TLE3: variants seen among roughly 807,000 people sequenced by gnomAD.
The protein encoded by TLE3 is transducin-like enhancer protein 3.
TLE3 carries 14 observed loss-of-function variants against 93.0 expected under a neutral mutation model. The ratio of observed to expected loss-of-function variants is 0.15; its 90% CI spans 0.10 to 0.24. The LOEUF is 0.24. TLE3 is among the 10% of genes least tolerant of loss of function. TLE3 has a pLI of 1.00. For missense variants in TLE3, 693 were observed against 1,046.6 expected, an observed-to-expected ratio of 0.66 and a Z score of 4.66; for synonymous variants, 451 against 425.0, an observed-to-expected ratio of 1.06 and a Z score of -0.75.
In TLE3 at chr15:70,072,008, G is replaced by T. The variant is rs555375777; in HGVS notation, c.372+2525C>A. ...AAGCACGGCTCCCCAGTGCGAGCACGACTCGGCTGTCCGTAATTCCTGCCT... is the reference window on the plus strand; with the variant it reads ...AAGCACGGCTCCCCAGTGCGAGCACTACTCGGCTGTCCGTAATTCCTGCCT... On this transcript the variant is annotated intron_variant, in intron 6 of 19. Transcript: ENST00000451782. Among the ~76,000 whole-genome samples, 10 of 152,328 alleles carry T rather than the reference G, an allele frequency of 6.6e-5. No homozygotes were observed. In the East Asian group the frequency reaches 1.9e-3, roughly 29 times the overall value.
intron 4 of TLE3, among the ~76,000 whole-genome samples, chr15:70,093,088 C>A (rs1466464519): frequency 6.6e-6 from 1 of 152,192 alleles, no homozygotes; most frequent in African/African-American, 2.4e-5. Flanking sequence ...AGTTGCAGAA[C>A]CTGTCTCTAT....
At chr15:70,055,448 T>G (rs1793446278) in intron 14 of TLE3, 150 bp from the exon 15 acceptor site, 1 of 1,056,036 alleles carries the variant, frequency 9.5e-7, no homozygotes, top group Non-Finnish European at 1.3e-6. Context: ...AGTAACCCCA[T>G]GTACTGGGAT....
At chr15:70,083,305 C>G (rs1442797836) in intron 4 of TLE3, among the ~76,000 whole-genome samples, 1 of 152,118 alleles carries the variant, frequency 6.6e-6, no homozygotes, top group Non-Finnish European at 1.5e-5. Context: ...TTCCATCTAC[C>G]GGGCTTCCTG....
At chr15:70,066,282 A>T in intron 6 of TLE3, 64 bp from the exon 7 acceptor site, 1 of 1,340,330 alleles carries the variant, frequency 7.5e-7, no homozygotes, top group Non-Finnish European at 9.9e-7. Context: ...TGGCCACCTC[A>T]GGAGGGAGGG....
chr15:70,053,612 G>T, intron 16 of TLE3: 1 of 400,336 alleles, frequency 2.5e-6, no homozygotes, highest in Non-Finnish European at 4.4e-6. Context: ...AATGGGGGGG[G>T]GAGGTGAAAA....
chr15:70,097,598 A>C lies in TLE3; in HGVS notation c.-800T>G, dbSNP rs1164012684. ...AAGGGTTCTCGCTGCTCCCAGCTTG[A>C]GCACCGCGTCCCCACCGAGGAGCGC... On this transcript the variant is annotated 5_prime_UTR_variant, in exon 1 of 20. Transcript: ENST00000451782. 4.5e-5 allele frequency: 18 copies of C among 398,466 alleles called. No homozygotes were observed. In the East Asian group the frequency reaches 6.1e-4, roughly 13 times the overall value. The allele number at this position is 398,466 out of a possible 1,614,324, so 24.7% of individuals were successfully genotyped here.
At chr15:70,073,304 C>T (rs542365156) in intron 6 of TLE3, among the ~76,000 whole-genome samples, 2 of 152,298 alleles carry the variant, frequency 1.3e-5, no homozygotes, top group African/African-American at 4.8e-5. Flanking sequence ...CCAAAGGTCA[C>T]ATCGGGGGAG....
chr15:70,084,929 C>T (rs894148696), intron 4 of TLE3, among the ~76,000 whole-genome samples: 3 of 152,224 alleles, frequency 2.0e-5, no homozygotes, highest in Admixed American at 6.5e-5. Context: ...TATATGCATC[C>T]TTCATGGCAC....
At chr15:70,079,549 G>C (rs1304242328) in intron 4 of TLE3, 1 of 395,582 alleles carries the variant, frequency 2.5e-6, no homozygotes, top group African/African-American at 2.3e-5. Flanking sequence ...TCCCCACAAA[G>C]TGGAAGCAGG....
rs188951221 is a variant in TLE3 at position 70,049,224 on chromosome 15, G to A, written c.*873C>T. On this transcript the variant is annotated 3_prime_UTR_variant, in exon 20 of 20. Transcript: ENST00000451782. The stretch of plus-strand genomic sequence containing the variant: ...TGAGGAGGAGAGAGGGAGAGACCAA[G>A]AAAGAGAGACACAGAGAGGGCAAGA... 20 of 152,520 alleles carry A rather than the reference G, an allele frequency of 1.3e-4. No homozygotes were observed. The highest frequency in any genetic ancestry group is 4.4e-5 in the Non-Finnish European group (3 of 68,152). 9.4% of individuals were successfully genotyped at this position (152,520 alleles called of 1,614,324 possible).
chr15:70,056,160 G>T, intron 14 of TLE3, 138 bp downstream of exon 14: 4 of 959,828 alleles, frequency 4.2e-6, no homozygotes, highest in East Asian at 2.5e-5. Flanking sequence ...TGCCTCTAGA[G>T]GGACAGATAC....
chr15:70,089,646 G>A (rs2058210419), intron 4 of TLE3, among the ~76,000 whole-genome samples: 1 of 152,192 alleles, frequency 6.6e-6, no homozygotes, highest in Admixed American at 6.5e-5. Context: ...CAGCAGAGGG[G>A]CTTCCTTCAT....
chr15:70,090,532 C>T (rs1226213165), intron 4 of TLE3, among the ~76,000 whole-genome samples: 1 of 152,154 alleles, frequency 6.6e-6, no homozygotes, highest in Non-Finnish European at 1.5e-5. Flanking sequence ...TGCACCTTCA[C>T]CGTGGTCACA....
At chr15:70,066,298 G>A in intron 6 of TLE3, 80 bp from the exon 7 acceptor site, 1 of 1,269,710 alleles carries the variant, frequency 7.9e-7, no homozygotes, top group Non-Finnish European at 1.1e-6. Context: ...GAGGGAGGGA[G>A]TGGCTCTTCC....
Position 70,097,529 on chromosome 15 carries a change from A to C in TLE3, c.-731T>G. The C allele has an allele frequency of 2.5e-6, 1 of 400,852 alleles. No individual in the cohort carries two copies. The highest frequency in any genetic ancestry group is 1.1e-4 in the South Asian group (1 of 8,802). 24.8% of individuals were successfully genotyped at this position (400,852 alleles called of 1,614,324 possible). A position where few individuals can be genotyped will look rare whatever the true frequency, so the allele number is the denominator to read the frequency against. ...TCCGGGCTCAGTAGGTGCAAATCAA[A>C]CGCCCTGGCATCCTAAGTCCAGCGG... On this transcript the variant is annotated 5_prime_UTR_variant, in exon 1 of 20. Transcript: ENST00000451782.
chr15:70,089,445 T>C (rs937316635), intron 4 of TLE3, among the ~76,000 whole-genome samples: 2 of 152,068 alleles, frequency 1.3e-5, no homozygotes, highest in African/African-American at 2.4e-5. Context: ...ATTTCACTGA[T>C]GAAGAAACTG....
chr15:70,076,917 C>T (rs2057475211), intron 4 of TLE3, among the ~76,000 whole-genome samples: 1 of 152,102 alleles, frequency 6.6e-6, no homozygotes, highest in South Asian at 2.1e-4. Context: ...TGGGTTTCGC[C>T]ACGTTGTCCA....
At chr15:70,071,970 C>T (rs12595105) in intron 6 of TLE3, among the ~76,000 whole-genome samples, 4 of 152,324 alleles carry the variant, frequency 2.6e-5, no homozygotes, top group South Asian at 4.1e-4. Context: ...GACTCCTTCG[C>T]GGGAGTGCAG....
At chr15:70,052,309 G>A in intron 18 of TLE3, 65 bp downstream of exon 18, 1 of 1,583,486 alleles carries the variant, frequency 6.3e-7, no homozygotes, top group Non-Finnish European at 8.6e-7. Context: ...CTTCTGTCCT[G>A]TTGGGCCAGG....
Sources: allele counts gnomAD v4.1 joint callset (sites outside exome capture counted in the v4.1 genomes callset), GRCh38; gene constraint gnomAD v4.1.1; transcripts MANE v1.5; gene names NCBI Gene and HGNC (gene_info 2026-07-23, HGNC 2026-07-21).